Variants in ANKRD30A observed in about 807,000 individuals in gnomAD.
ANKRD30A encodes ankyrin repeat domain 30A, also known as ankyrin repeat domain-containing protein 30A.
Under a neutral mutation model 166.3 loss-of-function variants are expected in ANKRD30A, and 170 were observed. That is an observed-to-expected ratio of 1.02 (90% CI 0.90 to 1.16). The LOEUF is 1.16. Among genes scored for constraint, ANKRD30A ranks in the 50% most tolerant of loss-of-function variants. The probability of loss-of-function intolerance (pLI) is 0.00; values close to 1 mark genes in which losing one functional copy is unlikely to be tolerated. For synonymous variants in ANKRD30A, 564 were observed against 508.9 expected, an observed-to-expected ratio of 1.11 and a Z score of -1.46; for missense variants, 1,630 against 1,518.0, an observed-to-expected ratio of 1.07 and a Z score of -1.23.
chr10:37,147,289 A>C (rs1416001435), intron 8 of ANKRD30A, 81 bp from the exon 9 acceptor site: 13 of 1,116,898 alleles, frequency 1.2e-5, no homozygotes, highest in Middle Eastern at 2.2e-4. Flanking sequence ...TCAGAAATTG[A>C]GTTTAAAAAA....
At chr10:37,126,187 G>A (rs531639879) in intron 1 of ANKRD30A, among the ~76,000 whole-genome samples, 179 bp downstream of exon 1, 2 of 152,336 alleles carry the variant, frequency 1.3e-5, no homozygotes, top group East Asian at 3.9e-4. Context: ...CAGGCCCCCA[G>A]GCTTGGGATG....
chr10:37,191,225 C>G lies in ANKRD30A; in HGVS notation c.2512+1668C>G, dbSNP rs562944166. On this transcript the variant is annotated intron_variant, in intron 25 of 35. Coordinates refer to ENST00000361713, the MANE Select transcript of ANKRD30A (RefSeq NM_052997.3). ...ATTAAGAGATATTGAGATGAGTAAG[C>G]TAGAAATTACAAAAATGTTGGCATA... Among the ~76,000 whole-genome samples, 4 of 151,844 alleles carry G rather than the reference C, an allele frequency of 2.6e-5. No homozygotes were observed. The East Asian group carries it at 7.7e-4, about 29-fold the overall frequency.
chr10:37,161,278 T>C (rs1024976405), intron 15 of ANKRD30A, among the ~76,000 whole-genome samples: 3 of 152,084 alleles, frequency 2.0e-5, no homozygotes, highest in Admixed American at 1.3e-4. Flanking sequence ...ATGCATTATA[T>C]TGCTTTTATT....
chr10:37,238,591 G>C, the ANKRD30A span, among the ~76,000 whole-genome samples: 1 of 152,110 alleles, frequency 6.6e-6, no homozygotes, highest in South Asian at 2.1e-4. Flanking sequence ...GTTGAGAAAC[G>C]TGTTTGATAT....
intron 30 of ANKRD30A, among the ~76,000 whole-genome samples, chr10:37,200,665 T>A (rs1441169597): frequency 6.6e-6 from 1 of 152,138 alleles, no homozygotes; most frequent in Non-Finnish European, 1.5e-5. Flanking sequence ...TCAAGCACTT[T>A]TTTATCACCA....
chr10:37,218,932 A>G, intron 33 of ANKRD30A, 48 bp from the exon 34 acceptor site: 1 of 1,214,318 alleles, frequency 8.2e-7, no homozygotes, highest in Non-Finnish European at 1.2e-6. Context: ...GAACCATGAT[A>G]TGCCATTTTA....
chr10:37,172,794 G>A (rs1351033331), intron 21 of ANKRD30A, among the ~76,000 whole-genome samples: 3 of 146,644 alleles, frequency 2.0e-5, no homozygotes, highest in Non-Finnish European at 4.5e-5. Context: ...TATATATTTT[G>A]TTGATGTTAG....
intron 31 of ANKRD30A, among the ~76,000 whole-genome samples, chr10:37,201,856 T>C (rs914127952): frequency 6.6e-6 from 1 of 152,114 alleles, no homozygotes; most frequent in Non-Finnish European, 1.5e-5. Context: ...AGAGCTGTGT[T>C]CTATTTGCCA....
At chr10:37,205,491 C>G (rs1321568562) in intron 31 of ANKRD30A, among the ~76,000 whole-genome samples, 1 of 152,120 alleles carries the variant, frequency 6.6e-6, no homozygotes, top group Non-Finnish European at 1.5e-5. Context: ...AGAGAAATAC[C>G]TAATGTAAAT....
At chr10:37,136,518 A>G (rs1375117224) in intron 5 of ANKRD30A, 89 bp from the exon 6 acceptor site, 41 of 595,680 alleles carry the variant, frequency 6.9e-5, no homozygotes, top group Non-Finnish European at 4.4e-5. Flanking sequence ...ATTGTCTGAA[A>G]TGCTCTAAGA....
At chr10:37,156,013 G>A (rs555663411) in intron 13 of ANKRD30A, among the ~76,000 whole-genome samples, 6 of 151,826 alleles carry the variant, frequency 4.0e-5, no homozygotes, top group East Asian at 1.9e-4. Context: ...CTTGGGAGGC[G>A]GAGCTTGTAG....
intron 34 of ANKRD30A, among the ~76,000 whole-genome samples, chr10:37,220,547 T>G (rs1842853558): frequency 6.6e-6 from 1 of 151,320 alleles, no homozygotes; most frequent in Admixed American, 6.6e-5. Context: ...TAAAGGCATC[T>G]GTGTTTTATT....
At chr10:37,166,222 T>G (rs868268770) in intron 18 of ANKRD30A, among the ~76,000 whole-genome samples, 4 of 152,170 alleles carry the variant, frequency 2.6e-5, no homozygotes, top group Admixed American at 6.6e-5. Flanking sequence ...GCTGTATGTG[T>G]CCAGGCAAGT....
Position 37,125,835 on chromosome 10 carries a change from G to T in ANKRD30A, c.48G>T (p.Glu16Asp), listed in dbSNP as rs1175483808. ...AAAVKVVPGP[E>D]RPSPFSQLVY... ...CTGTCAAGGTCGTGCCGGGCCCGGA[G>T]CGCCCGAGCCCTTTCAGCCAGCTAG... Residue 16 changes from glutamate (E) to aspartate (D), a missense_variant, in exon 1 of 36, where the codon GAG becomes GAT. This residue lies in a region of ANKRD30A where 904 missense variants were observed against 818.5 expected (regional missense o/e 1.10). Coordinates refer to ENST00000361713, the MANE Select transcript of ANKRD30A (RefSeq NM_052997.3). The T allele has an allele frequency of 9.8e-7, 1 of 1,020,890 alleles. No individual in the cohort carries two copies. Among genetic ancestry groups the T allele is most frequent in the African/African-American group, 1.6e-5 (1 of 62,204 alleles). The allele number at this position is 1,020,890 out of a possible 1,614,324, so 63.2% of individuals were successfully genotyped here.
At chr10:37,197,213 C>T (rs970065882) in intron 27 of ANKRD30A, 68 bp from the exon 28 acceptor site, 14 of 1,588,176 alleles carry the variant, frequency 8.8e-6, no homozygotes, top group East Asian at 6.7e-5. Flanking sequence ...GATACTATCA[C>T]GGCATTCATT....
the ANKRD30A span, chr10:37,248,239 G>T: frequency 4.9e-6 from 3 of 609,938 alleles, no homozygotes; most frequent in East Asian, 4.1e-5. Flanking sequence ...TTCAACACAA[G>T]GGTAAATAAG....
At chr10:37,190,658 G>C (rs1035052562) in intron 25 of ANKRD30A, among the ~76,000 whole-genome samples, 3 of 151,782 alleles carry the variant, frequency 2.0e-5, no homozygotes, top group Admixed American at 6.6e-5. Context: ...TTCTATGAAG[G>C]AAAATGGAGT....
At chr10:37,204,531 G>A (rs1394879168) in intron 31 of ANKRD30A, among the ~76,000 whole-genome samples, 1 of 152,048 alleles carries the variant, frequency 6.6e-6, no homozygotes, top group African/African-American at 2.4e-5. Flanking sequence ...GAAAACCTAG[G>A]CAATACCATT....
intron 31 of ANKRD30A, among the ~76,000 whole-genome samples, chr10:37,209,831 T>C (rs1040488129): frequency 5.9e-5 from 9 of 152,118 alleles, no homozygotes; most frequent in Non-Finnish European, 7.4e-5. Flanking sequence ...ATTATATTTT[T>C]TTTGACACTG....
Sources: allele counts gnomAD v4.1 joint callset (sites outside exome capture counted in the v4.1 genomes callset), GRCh38; gene constraint gnomAD v4.1.1; regional missense constraint gnomAD v4.1.1; transcripts MANE v1.5; gene names NCBI Gene and HGNC (gene_info 2026-07-23, HGNC 2026-07-21).